The following ERCC8 variants were observed in gnomAD, a reference collection of about 807,000 sequenced individuals.
ERCC8 encodes ERCC excision repair 8, CSA ubiquitin ligase complex subunit, also known as DNA excision repair protein ERCC-8.
A neutral mutation model predicts 54.9 loss-of-function variants in ERCC8; 52 were observed. That is an observed-to-expected ratio of 0.95 (90% CI 0.76 to 1.19). The LOEUF (loss-of-function observed/expected upper bound fraction) is 1.19, where lower values mean the gene tolerates loss of function less well. Among genes scored for constraint, ERCC8 ranks in the 50% most tolerant of loss-of-function variants. The pLI, the probability that ERCC8 is intolerant of heterozygous loss-of-function variation, is 0.00. For synonymous variants in ERCC8, 146 were observed against 157.2 expected (o/e 0.93, Z 0.53); for missense variants, 514 against 466.1 (o/e 1.10, Z -0.95).
chr5:60,924,077 T>A (rs538140818), intron 2 of ERCC8, among the ~76,000 whole-genome samples: 1 of 152,224 alleles, frequency 6.6e-6, no homozygotes, highest in East Asian at 1.9e-4. Flanking sequence ...ACTTTTCCCC[T>A]CTCTTGTAAT....
chr5:60,919,520 A>C (rs1294789292), intron 3 of ERCC8: 1 of 152,064 alleles, frequency 6.6e-6, no homozygotes, highest in Admixed American at 6.6e-5. Flanking sequence ...GAAAGTCTTA[A>C]GTGCCAGCTC....
At chr5:60,921,393 T>C (rs940911731) in intron 3 of ERCC8, among the ~76,000 whole-genome samples, 5 of 151,932 alleles carry the variant, frequency 3.3e-5, no homozygotes, top group African/African-American at 1.2e-4. Flanking sequence ...CATTATCAGA[T>C]TGAATGTAGG....
chr5:60,895,508 A>T (rs1748699652), intron 9 of ERCC8, among the ~76,000 whole-genome samples: 1 of 152,188 alleles, frequency 6.6e-6, no homozygotes, highest in African/African-American at 2.4e-5. Context: ...TTAAACGGAA[A>T]TAACATCATT....
intron 4 of ERCC8, among the ~76,000 whole-genome samples, chr5:60,911,925 GC>G (rs1300051772): frequency 6.6e-6 from 1 of 152,054 alleles, no homozygotes; most frequent in African/African-American, 2.4e-5. Context: ...TATTTCTGAG[GC>G]CTCTGTTCTG....
chr5:60,939,168 G>A (rs571060560), intron 1 of ERCC8, among the ~76,000 whole-genome samples: 1 of 152,122 alleles, frequency 6.6e-6, no homozygotes, highest in South Asian at 2.1e-4. Context: ...TAATGAAGTT[G>A]CTATTCATTT....
At chr5:60,913,324 G>GGT (rs1206254347) in intron 4 of ERCC8, among the ~76,000 whole-genome samples, 1 of 152,064 alleles carries the variant, frequency 6.6e-6, no homozygotes, top group African/African-American at 2.4e-5. Context: ...GTCTTGGGAG[G>GGT]GTGTGTGTGT....
chr5:60,913,215 C>G lies in ERCC8; in HGVS notation c.399+5050G>C, dbSNP rs112269808. On this transcript the variant is annotated intron_variant, in intron 4 of 11. Transcript: ENST00000676185. ...TGGTAGAATTCGGTTGTGAATCCGTCTGGTCCTGGACTTTTTTTGGTTGGT... is the reference window on the plus strand; with the variant it reads ...TGGTAGAATTCGGTTGTGAATCCGTGTGGTCCTGGACTTTTTTTGGTTGGT... Among the ~76,000 whole-genome samples the G allele has an allele frequency of 6.2e-4, 95 of 152,224 alleles. 5 individuals carry two copies. Among genetic ancestry groups the G allele is most frequent in the African/African-American group, 2.2e-3 (92 of 41,492 alleles).
chr5:60,923,311 AATC>A (rs1440238884), intron 2 of ERCC8, among the ~76,000 whole-genome samples: 4 of 152,296 alleles, frequency 2.6e-5, no homozygotes, highest in Non-Finnish European at 5.9e-5. Context: ...TAATTTGTAA[AATC>A]ATTCTTGGTA....
At chr5:60,900,383 G>C (rs4647115) in intron 7 of ERCC8, among the ~76,000 whole-genome samples, 3,645 of 151,968 alleles carry the variant, frequency 0.024, 60 homozygotes, top group Non-Finnish European at 0.037. Context: ...TATTTCTAAA[G>C]AAAAATGCCT....
intron 11 of ERCC8, among the ~76,000 whole-genome samples, chr5:60,875,457 A>C (rs1360816242): frequency 2.0e-5 from 3 of 152,226 alleles, no homozygotes; most frequent in Admixed American, 2.0e-4. Context: ...GTGGTATTTC[A>C]AATCAGTTCA....
At chr5:60,921,841 C>A (rs191143378) in intron 3 of ERCC8, among the ~76,000 whole-genome samples, 1 of 151,864 alleles carries the variant, frequency 6.6e-6, no homozygotes, top group East Asian at 1.9e-4. Flanking sequence ...AAAATTGATA[C>A]TGAAGTTGCT....
intron 3 of ERCC8, among the ~76,000 whole-genome samples, chr5:60,918,852 T>G (rs536410404): frequency 1.8e-4 from 27 of 152,062 alleles, no homozygotes; most frequent in Non-Finnish European, 3.4e-4. Context: ...GAACTTATTC[T>G]ATGACCAAAG....
Position 60,867,238 on chromosome 5 carries a change from A to G in ERCC8, c.*7377T>C, listed in dbSNP as rs1017951418. 1.3e-5 allele frequency among the ~76,000 whole-genome samples: 2 copies of G among 152,012 alleles called. No individual in the cohort carries two copies. Among genetic ancestry groups the G allele is most frequent in the African/African-American group, 4.8e-5 (2 of 41,386 alleles). The stretch of plus-strand genomic sequence containing the variant: ...GACAGACTCAGGACTTTTGATTTCC[A>G]GTCCACTGTTATTTCTTTTTCTTTT... On this transcript the variant is annotated 3_prime_UTR_variant, in exon 12 of 12. Coordinates refer to ENST00000676185, the MANE Select transcript of ERCC8 (RefSeq NM_000082.4).
intron 5 of ERCC8, 73 bp downstream of exon 5, chr5:60,904,719 A>T (rs1204175271): frequency 5.8e-6 from 4 of 692,666 alleles, no homozygotes; most frequent in African/African-American, 1.8e-5. Flanking sequence ...AAATGTCTAC[A>T]TCAAAACTAA....
intron 5 of ERCC8, among the ~76,000 whole-genome samples, chr5:60,904,050 G>A (rs1470226163): frequency 1.3e-5 from 2 of 152,042 alleles, no homozygotes; most frequent in African/African-American, 2.4e-5. Context: ...CTAAAACACA[G>A]TATCAAACCC....
chr5:60,913,461 C>T (rs756861049), intron 4 of ERCC8, among the ~76,000 whole-genome samples: 5 of 151,726 alleles, frequency 3.3e-5, no homozygotes, highest in South Asian at 2.1e-4. Context: ...TTTTTTATTG[C>T]GTCTATTTGA....
intron 1 of ERCC8, among the ~76,000 whole-genome samples, chr5:60,929,178 C>T (rs148427820): frequency 4.7e-4 from 71 of 151,996 alleles, no homozygotes; most frequent in African/African-American, 1.7e-3. Flanking sequence ...TATTTAAAGA[C>T]GGAAATTTGT....
At chr5:60,918,109 A>G in intron 4 of ERCC8, 156 bp downstream of exon 4, 1 of 639,606 alleles carries the variant, frequency 1.6e-6, no homozygotes, top group Non-Finnish European at 2.8e-6. Flanking sequence ...CAGCACAGCC[A>G]GGATATGAAC....
At chr5:60,883,220 AAAT>A (rs1371007260) in intron 11 of ERCC8, among the ~76,000 whole-genome samples, 1 of 152,264 alleles carries the variant, frequency 6.6e-6, no homozygotes, top group Non-Finnish European at 1.5e-5. Flanking sequence ...CTTTTCAGTG[AAAT>A]AATGATATAT....
Sources: allele counts gnomAD v4.1 joint callset (sites outside exome capture counted in the v4.1 genomes callset), GRCh38; gene constraint gnomAD v4.1.1; transcripts MANE v1.5; gene names NCBI Gene and HGNC (gene_info 2026-07-23, HGNC 2026-07-21).